Variants in PLEKHA8 observed in about 807,000 individuals in gnomAD.
PLEKHA8 encodes the protein pleckstrin homology domain containing A8.
Under a neutral mutation model 68.2 loss-of-function variants are expected in PLEKHA8, and 36 were observed. That is an observed-to-expected ratio of 0.53 (90% confidence interval 0.40 to 0.70). The LOEUF (loss-of-function observed/expected upper bound fraction) is 0.70, where lower values mean the gene tolerates loss of function less well. Among genes scored for constraint, PLEKHA8 ranks in the 30% least tolerant of loss-of-function variants. The pLI, the probability that PLEKHA8 is intolerant of heterozygous loss-of-function variation, is 0.00. For synonymous variants in PLEKHA8, 211 were observed against 216.1 expected (o/e 0.98, Z 0.20); for missense variants, 505 against 615.4 (o/e 0.82, Z 1.90).
chr7:30,045,825 A>G (rs2127971884), intron 2 of PLEKHA8, among the ~76,000 whole-genome samples: 1 of 152,318 alleles, frequency 6.6e-6, no homozygotes, highest in Middle Eastern at 3.4e-3. Flanking sequence ...TTCCCAATAA[A>G]TCCAAGGAGA....
At chr7:30,098,373 GTC>G (rs1795714531) in intron 13 of PLEKHA8, among the ~76,000 whole-genome samples, 1 of 152,248 alleles carries the variant, frequency 6.6e-6, no homozygotes, top group South Asian at 2.1e-4. Flanking sequence ...GGACATTTAA[GTC>G]TGCAGAGGTT....
rs1169286079 is a variant in PLEKHA8 at position 30,084,621 on chromosome 7, G to A, written c.*5834G>A. The A allele has an allele frequency of 4.9e-5, 46 of 933,932 alleles. No individual in the cohort carries two copies. Among genetic ancestry groups the A allele is most frequent in the South Asian group, 9.9e-5 (2 of 20,166 alleles). 57.9% of individuals were successfully genotyped at this position (933,932 alleles called of 1,614,324 possible). A position where few individuals can be genotyped will look rare whatever the true frequency, so the allele number is the denominator to read the frequency against. ...AAAATATCTGTCAGATTTTATATTC[G>A]TTAGTTATAATAAACTTATTTTTAA... On this transcript the variant is annotated 3_prime_UTR_variant, in exon 14 of 14. Coordinates refer to ENST00000449726, the MANE Select transcript of PLEKHA8 (RefSeq NM_001197026.2).
intron 13 of PLEKHA8, among the ~76,000 whole-genome samples, chr7:30,097,433 G>T (rs1795663432): frequency 6.6e-6 from 1 of 152,124 alleles, no homozygotes; most frequent in Admixed American, 6.5e-5. Flanking sequence ...TTCCAGCTTG[G>T]TTCCATTCTC....
intron 5 of PLEKHA8, 40 bp downstream of exon 5, chr7:30,049,422 G>C: frequency 6.2e-7 from 1 of 1,600,028 alleles, no homozygotes; most frequent in Non-Finnish European, 8.5e-7. Flanking sequence ...AAGGCATCAA[G>C]AAAAGTTTCA....
intron 13 of PLEKHA8, among the ~76,000 whole-genome samples, chr7:30,104,359 A>G (rs548233342): frequency 6.6e-6 from 1 of 152,320 alleles, no homozygotes; most frequent in East Asian, 1.9e-4. Context: ...TAATAGCCCC[A>G]ATGACCCATC....
At chr7:30,118,881 A>G (rs1796650143) in intron 13 of PLEKHA8, among the ~76,000 whole-genome samples, 1 of 152,208 alleles carries the variant, frequency 6.6e-6, no homozygotes, top group African/African-American at 2.4e-5. Context: ...TAGTGGCATC[A>G]ATGCCTAAGT....
intron 9 of PLEKHA8, among the ~76,000 whole-genome samples, chr7:30,056,542 A>T (rs1792947023): frequency 6.7e-6 from 1 of 148,466 alleles, no homozygotes; most frequent in Non-Finnish European, 1.5e-5. Context: ...CAGCCTGGCC[A>T]ACATGGTAAA....
chr7:30,046,616 CT>C (rs1343250449), intron 3 of PLEKHA8, among the ~76,000 whole-genome samples: 1 of 152,198 alleles, frequency 6.6e-6, no homozygotes, highest in Non-Finnish European at 1.5e-5. Context: ...AGTTTATTGA[CT>C]GTATAACCTT....
intron 13 of PLEKHA8, among the ~76,000 whole-genome samples, chr7:30,119,401 A>G (rs1490133304): frequency 6.6e-6 from 1 of 152,188 alleles, no homozygotes; most frequent in Admixed American, 6.5e-5. Context: ...ATCTAAACCC[A>G]GACAGAACCT....
chr7:30,046,028 G>A (rs945355278), intron 2 of PLEKHA8, among the ~76,000 whole-genome samples, 182 bp from the exon 3 acceptor site: 1 of 152,202 alleles, frequency 6.6e-6, no homozygotes, highest in Non-Finnish European at 1.5e-5. Flanking sequence ...GATTAACAGA[G>A]ACATCTAAGA....
chr7:30,068,269 A>G (rs770962168), intron 12 of PLEKHA8, among the ~76,000 whole-genome samples: 9 of 152,238 alleles, frequency 5.9e-5, no homozygotes, highest in Non-Finnish European at 1.3e-4. Context: ...GCTGTAGTAC[A>G]TAATACAATT....
intron 13 of PLEKHA8, among the ~76,000 whole-genome samples, chr7:30,097,011 G>A (rs981548196): frequency 2.0e-5 from 3 of 152,136 alleles, no homozygotes; most frequent in Non-Finnish European, 4.4e-5. Context: ...AGCTCTTTTA[G>A]GGCAGGCCTG....
chr7:30,075,005 GA>G (rs1209850148), intron 13 of PLEKHA8: 1 of 152,158 alleles, frequency 6.6e-6, no homozygotes, highest in Non-Finnish European at 1.5e-5. Flanking sequence ...ATCTAGTCAT[GA>G]AAAGGCAGTC....
intron 7 of PLEKHA8, among the ~76,000 whole-genome samples, chr7:30,053,695 G>A (rs1391296232): frequency 6.6e-6 from 1 of 152,160 alleles, no homozygotes; most frequent in African/African-American, 2.4e-5. Flanking sequence ...TCAGTGAATA[G>A]TTAGATTTAA....
chr7:30,067,641 A>G lies in PLEKHA8; in HGVS notation c.1300+4899A>G, dbSNP rs148086800. On this transcript the variant is annotated intron_variant, in intron 12 of 13. Transcript: ENST00000449726. ...ATTTGCGTAGTTCATTATGTAATACATGTTTTTATGCTTTTGCTATATATT... is the reference window on the plus strand; with the variant it reads ...ATTTGCGTAGTTCATTATGTAATACGTGTTTTTATGCTTTTGCTATATATT... 1.5e-4 allele frequency among the ~76,000 whole-genome samples: 23 copies of G among 152,238 alleles called. No homozygotes were observed. The East Asian group carries it at 4.2e-3, about 28-fold the overall frequency.
intron 13 of PLEKHA8, among the ~76,000 whole-genome samples, chr7:30,101,023 C>T (rs1470316359): frequency 6.6e-6 from 1 of 151,982 alleles, no homozygotes; most frequent in Non-Finnish European, 1.5e-5. Flanking sequence ...AACCCCGTCT[C>T]TACTAAAAAT....
At chr7:30,093,444 A>G (rs1356787045), downstream of PLEKHA8, among the ~76,000 whole-genome samples, 2 of 152,192 alleles carry the variant, frequency 1.3e-5, no homozygotes, top group African/African-American at 4.8e-5. Context: ...GCCTGCCTCT[A>G]AGCCCACAGC....
At chr7:30,096,556 A>G (rs1333959279) in intron 13 of PLEKHA8, among the ~76,000 whole-genome samples, 3 of 152,186 alleles carry the variant, frequency 2.0e-5, no homozygotes, top group Non-Finnish European at 4.4e-5. Flanking sequence ...AACTTCCAAC[A>G]CTACGTTGAA....
intron 12 of PLEKHA8, among the ~76,000 whole-genome samples, chr7:30,063,036 A>C (rs1793559457): frequency 6.6e-6 from 1 of 152,260 alleles, no homozygotes; most frequent in African/African-American, 2.4e-5. Flanking sequence ...TCAAGAAGTT[A>C]GTTTTCCTAA....
Sources: allele counts gnomAD v4.1 joint callset (sites outside exome capture counted in the v4.1 genomes callset), GRCh38; gene constraint gnomAD v4.1.1; transcripts MANE v1.5; gene names NCBI Gene and HGNC (gene_info 2026-07-23, HGNC 2026-07-21).